ANXA5: variants seen among roughly 807,000 people sequenced by gnomAD.
ANXA5 encodes annexin A5, also known as CBP-I.
In ANXA5, 40 loss-of-function variants were observed where a neutral mutation model predicts 48.1. That is an observed-to-expected ratio of 0.83 (90% CI 0.65 to 1.08). The LOEUF is 1.08. Among genes scored for constraint, ANXA5 ranks in the 50% least tolerant of loss-of-function variants. The pLI is 0.00. For missense variants in ANXA5, 357 were observed against 376.8 expected (o/e 0.95, Z 0.44); for synonymous variants, 113 against 129.1 (o/e 0.88, Z 0.85).
Position 121,667,948 on chromosome 4 carries a change from C to T in ANXA5, c.*520G>A, listed in dbSNP as rs1724547495. On this transcript the variant is annotated 3_prime_UTR_variant, in exon 13 of 13. Coordinates refer to ENST00000296511, the MANE Select transcript of ANXA5 (RefSeq NM_001154.4). ...CAATTATTAGCTTAAAAAGAGAGAACATTGTTAAATAAATTTAATAATAAA... is the reference window on the plus strand; with the variant it reads ...CAATTATTAGCTTAAAAAGAGAGAATATTGTTAAATAAATTTAATAATAAA... 6.6e-6 allele frequency: 1 copy of T among 152,166 alleles called. No homozygotes were observed. Among genetic ancestry groups the T allele is most frequent in the Non-Finnish European group, 1.5e-5 (1 of 68,022 alleles). 9.4% of individuals were successfully genotyped at this position (152,166 alleles called of 1,614,324 possible). A position where few individuals can be genotyped will look rare whatever the true frequency, so the allele number is the denominator to read the frequency against.
At chr4:121,696,547 T>C in intron 2 of ANXA5, 34 bp downstream of exon 2, 1 of 1,366,134 alleles carries the variant, frequency 7.3e-7, no homozygotes. Flanking sequence ...AAGTTGTGGG[T>C]AAATCCAGCG....
At position 121,669,989 on chromosome 4, in the gene ANXA5, C is replaced by G; in HGVS notation, c.745G>C (p.Ala249Pro). 6.2e-7 allele frequency: 1 copy of G among 1,605,086 alleles called. No individual in the cohort carries two copies. Among genetic ancestry groups the G allele is most frequent in the Non-Finnish European group, 8.5e-7 (1 of 1,175,688 alleles). Residue 249 changes from alanine (A) to proline (P), a missense_variant, in exon 11 of 13, where the codon GCC becomes CCC. Coordinates refer to ENST00000296511, the MANE Select transcript of ANXA5 (RefSeq NM_001154.4). Reference protein sequence around the residue: ...AVVKSIRSIPAYLAETLYYAM... With the variant: ...AVVKSIRSIPPYLAETLYYAM... ...TAATAGAGGGTCTCTGCAAGGTAGGCAGGTATACTTCGAATAGATTTCACT... is the reference window on the plus strand; with the variant it reads ...TAATAGAGGGTCTCTGCAAGGTAGGGAGGTATACTTCGAATAGATTTCACT...
At chr4:121,687,025 G>A (rs572505524) in intron 2 of ANXA5, among the ~76,000 whole-genome samples, 21 of 152,036 alleles carry the variant, frequency 1.4e-4, no homozygotes, top group African/African-American at 3.4e-4. Flanking sequence ...TAGTGATATC[G>A]GCTGGGCGCA....
At chr4:121,681,292 C>T (rs1724789301) in intron 6 of ANXA5, 1 of 156,810 alleles carries the variant, frequency 6.4e-6, no homozygotes, top group Non-Finnish European at 1.4e-5. Context: ...TTCCAAAGTT[C>T]CAAAAGTACT....
At chr4:121,681,014 C>T (rs1242266822) in intron 6 of ANXA5, among the ~76,000 whole-genome samples, 2 of 152,140 alleles carry the variant, frequency 1.3e-5, no homozygotes, top group Non-Finnish European at 1.5e-5. Flanking sequence ...TAGTCTGACC[C>T]TCCTCAGTCA....
chr4:121,672,473 G>T, intron 9 of ANXA5, 60 bp downstream of exon 9: 1 of 1,178,416 alleles, frequency 8.5e-7, no homozygotes, highest in Non-Finnish European at 1.3e-6. Context: ...CTGTCACACT[G>T]GCTCATGCAC....
chr4:121,670,841 T>C (rs1724600537), intron 10 of ANXA5, among the ~76,000 whole-genome samples: 1 of 152,174 alleles, frequency 6.6e-6, no homozygotes, highest in African/African-American at 2.4e-5. Flanking sequence ...AGTTGGTTCA[T>C]GCAGATCTTT....
intron 2 of ANXA5, among the ~76,000 whole-genome samples, chr4:121,695,268 T>G (rs1725059622): frequency 6.6e-6 from 1 of 152,244 alleles, no homozygotes; most frequent in African/African-American, 2.4e-5. Flanking sequence ...ACTGTAACAT[T>G]TAAGTGCAAA....
intron 12 of ANXA5, 94 bp from the exon 13 acceptor site, chr4:121,668,621 ACT>A (rs1275951796): frequency 9.7e-7 from 1 of 1,033,304 alleles, no homozygotes; most frequent in Non-Finnish European, 1.5e-6. Flanking sequence ...TATTCATAAG[ACT>A]CTTCTCCCAA....
intron 8 of ANXA5, among the ~76,000 whole-genome samples, chr4:121,676,856 T>TAA (rs1419992008): frequency 6.6e-6 from 1 of 152,118 alleles, no homozygotes; most frequent in Non-Finnish European, 1.5e-5. Flanking sequence ...AAGGGGCTTG[T>TAA]AACCCATTCA....
Position 121,668,426 on chromosome 4 carries a change from G to A in ANXA5, c.*42C>T, listed in dbSNP as rs1335291850. 3 of 1,582,266 alleles carry A rather than the reference G, an allele frequency of 1.9e-6. No individual in the cohort carries two copies. Among genetic ancestry groups the A allele is most frequent in the African/African-American group, 2.7e-5 (2 of 74,158 alleles). On this transcript the variant is annotated 3_prime_UTR_variant, in exon 13 of 13. Coordinates refer to ENST00000296511, the MANE Select transcript of ANXA5 (RefSeq NM_001154.4). ...TAAAGGTGCTGAAGGAAGGCAGTGG[G>A]GTGGTGCAGGCACACAGCAGGGAGC...
chr4:121,674,197 G>T (rs369988270), intron 8 of ANXA5, among the ~76,000 whole-genome samples: 1 of 120,300 alleles, frequency 8.3e-6, no homozygotes, highest in African/African-American at 3.1e-5. Flanking sequence ...GGGGAGGGGA[G>T]GGGAGGGAGA....
At position 121,696,606 on chromosome 4, in the gene ANXA5, A is replaced by AG. The variant is rs1394511660; in HGVS notation, c.-18dup. ...CTGTGCCATGGCGACTACTCAGGTC[A>AG]GGGGAAGGTGAAGCAGGACTGCAAA... On this transcript the variant is annotated 5_prime_UTR_variant, in exon 2 of 13. Transcript: ENST00000296511. The AG allele has an allele frequency of 6.3e-6, 9 of 1,419,848 alleles. No homozygotes were observed. Among genetic ancestry groups the AG allele is most frequent in the Non-Finnish European group, 8.4e-6 (9 of 1,076,420 alleles). The allele number at this position is 1,419,848 out of a possible 1,614,324, so 88.0% of individuals were successfully genotyped here.
intron 5 of ANXA5, among the ~76,000 whole-genome samples, chr4:121,682,918 C>T (rs1724816547): frequency 6.6e-6 from 1 of 152,038 alleles, no homozygotes; most frequent in South Asian, 2.1e-4. Flanking sequence ...TTTAGAGGGG[C>T]AGGAAAGAAG....
At chr4:121,681,593 A>G in intron 6 of ANXA5, 78 bp downstream of exon 6, 4 of 951,920 alleles carry the variant, frequency 4.2e-6, no homozygotes, top group Non-Finnish European at 6.7e-6. Flanking sequence ...CCATACCTAC[A>G]AAGGACTGCA....
chr4:121,672,005 T>C (rs1724621273), intron 9 of ANXA5, among the ~76,000 whole-genome samples: 1 of 152,084 alleles, frequency 6.6e-6, no homozygotes, highest in Non-Finnish European at 1.5e-5. Context: ...AGACATCTTA[T>C]GATAATGAAG....
chr4:121,693,462 T>C (rs1275109125), intron 2 of ANXA5, among the ~76,000 whole-genome samples: 1 of 152,204 alleles, frequency 6.6e-6, no homozygotes, highest in South Asian at 2.1e-4. Context: ...ATGAATAAAA[T>C]GTATTTCAGG....
intron 8 of ANXA5, 39 bp from the exon 9 acceptor site, chr4:121,672,665 C>T (rs1724632443): frequency 2.7e-6 from 4 of 1,471,230 alleles, no homozygotes; most frequent in Non-Finnish European, 3.8e-6. Context: ...ATTGTTCCTC[C>T]ATCTCATTTC....
At position 121,696,610 on chromosome 4, in the gene ANXA5, G is replaced by A. The variant is rs367684212; in HGVS notation, c.-21C>T. The A allele has an allele frequency of 2.8e-6, 4 of 1,418,188 alleles. No individual in the cohort carries two copies. The highest frequency in any genetic ancestry group is 1.5e-5 in the African/African-American group (1 of 67,974). 87.9% of individuals were successfully genotyped at this position (1,418,188 alleles called of 1,614,324 possible). On this transcript the variant is annotated 5_prime_UTR_variant, in exon 2 of 13. Coordinates refer to ENST00000296511, the MANE Select transcript of ANXA5 (RefSeq NM_001154.4). ...GCCATGGCGACTACTCAGGTCAGGG[G>A]AAGGTGAAGCAGGACTGCAAAAGAG...
Sources: gnomAD v4.1 joint callset for allele counts (sites outside exome capture counted in the v4.1 genomes callset) on GRCh38, gnomAD v4.1.1 for gene constraint, MANE v1.5 for transcripts, NCBI Gene and HGNC (gene_info 2026-07-23, HGNC 2026-07-21) for gene names.